Variants in HDAC9 observed in about 807,000 individuals in gnomAD.
HDAC9 encodes the protein histone deacetylase 9, also known as MEF-2 interacting transcription repressor (MITR) protein.
In HDAC9, 41 loss-of-function variants were observed where a neutral mutation model predicts 139.4. That is an observed-to-expected ratio of 0.29 (90% CI 0.23 to 0.38). The LOEUF (loss-of-function observed/expected upper bound fraction) is 0.38. Ranked by LOEUF, HDAC9 falls within the 10% of genes least tolerant of loss-of-function variation. HDAC9 has a pLI of 1.00. For synonymous variants in HDAC9, 517 were observed against 476.2 expected, an observed-to-expected ratio of 1.09 and a Z score of -1.12; for missense variants, 1,147 against 1,297.0, an observed-to-expected ratio of 0.88 and a Z score of 1.78.
At chr7:18,947,985 T>C (rs1782522049) in intron 23 of HDAC9, among the ~76,000 whole-genome samples, 1 of 151,962 alleles carries the variant, frequency 6.6e-6, no homozygotes, top group Non-Finnish European at 1.5e-5. Flanking sequence ...GGAAGAAATA[T>C]ATTTCAATAA....
At chr7:18,436,135 AT>A (rs1791181359) in intron 1 of HDAC9, among the ~76,000 whole-genome samples, 1 of 151,952 alleles carries the variant, frequency 6.6e-6, no homozygotes, top group Non-Finnish European at 1.5e-5. Flanking sequence ...CAATACTAAT[AT>A]TGATGACTCC....
chr7:18,131,530 G>A (rs780044663), intron 1 of HDAC9, among the ~76,000 whole-genome samples: 5 of 152,158 alleles, frequency 3.3e-5, no homozygotes, highest in Admixed American at 2.0e-4. Context: ...TAGACAACTT[G>A]TGGGATGCAG....
At chr7:18,862,789 G>A (rs1563000003) in intron 21 of HDAC9, among the ~76,000 whole-genome samples, 1 of 152,112 alleles carries the variant, frequency 6.6e-6, no homozygotes, top group Non-Finnish European at 1.5e-5. Context: ...AAGATAAGAG[G>A]AAATTCATTT....
chr7:18,578,215 G>A (rs763974956), intron 2 of HDAC9: 5 of 519,012 alleles, frequency 9.6e-6, no homozygotes, highest in South Asian at 7.0e-5. Flanking sequence ...CTTTGGCTGG[G>A]CTTCTTCTGA....
intron 12 of HDAC9, among the ~76,000 whole-genome samples, chr7:18,678,980 CAG>C (rs1299918764): frequency 3.3e-5 from 5 of 151,904 alleles, no homozygotes; most frequent in Admixed American, 6.6e-5. Context: ...GAGCATTTAA[CAG>C]GGGTGGATGA....
intron 2 of HDAC9, among the ~76,000 whole-genome samples, chr7:18,536,399 G>A (rs1810916685): frequency 6.6e-6 from 1 of 152,012 alleles, no homozygotes; most frequent in Non-Finnish European, 1.5e-5. Context: ...ACTTAATTTG[G>A]AAGAGCCCAA....
chr7:18,433,065 C>T (rs1056887756), intron 1 of HDAC9, among the ~76,000 whole-genome samples: 2 of 152,058 alleles, frequency 1.3e-5, no homozygotes, highest in Non-Finnish European at 2.9e-5. Flanking sequence ...TAGGCTTTAT[C>T]CCTGGGATGC....
At chr7:18,251,731 G>A (rs1000584751) in intron 2 of HDAC9, among the ~76,000 whole-genome samples, 1 of 151,976 alleles carries the variant, frequency 6.6e-6, no homozygotes, top group Non-Finnish European at 1.5e-5. Flanking sequence ...CATCAATACT[G>A]TCATTACCTT....
intron 6 of HDAC9, among the ~76,000 whole-genome samples, chr7:18,626,063 A>T (rs1321958413): frequency 6.6e-6 from 1 of 152,024 alleles, no homozygotes; most frequent in East Asian, 1.9e-4. Context: ...ACTACTTAAC[A>T]AGGAAGTTAG....
At chr7:18,341,038 A>G (rs527856871) in intron 1 of HDAC9, among the ~76,000 whole-genome samples, 17 of 151,204 alleles carry the variant, frequency 1.1e-4, no homozygotes, top group African/African-American at 3.4e-4. Flanking sequence ...TGTTGGCTCC[A>G]CTATCTTCTT....
chr7:18,613,614 T>C (rs1392638584), intron 6 of HDAC9, among the ~76,000 whole-genome samples: 2 of 152,194 alleles, frequency 1.3e-5, no homozygotes, highest in African/African-American at 4.8e-5. Flanking sequence ...TTTTTCTTTC[T>C]CCTTTTCTTG....
intron 1 of HDAC9, among the ~76,000 whole-genome samples, chr7:18,345,804 A>AT (rs879456832): frequency 6.6e-5 from 10 of 151,004 alleles, no homozygotes; most frequent in Admixed American, 1.3e-4. Flanking sequence ...TTCATTCAGC[A>AT]TTTTTTTTCC....
At chr7:18,154,985 C>CA (rs1462305074) in intron 1 of HDAC9, among the ~76,000 whole-genome samples, 1 of 152,156 alleles carries the variant, frequency 6.6e-6, no homozygotes, top group African/African-American at 2.4e-5. Flanking sequence ...TTGTCTGTTA[C>CA]AAGTTCCTTC....
intron 17 of HDAC9, among the ~76,000 whole-genome samples, chr7:18,824,084 G>GAAGAAGAAGAAGAAGAAGAAGAAA (rs1554367982): frequency 6.9e-6 from 1 of 144,266 alleles, no homozygotes; most frequent in Non-Finnish European, 1.5e-5. Flanking sequence ...AGAAGAAGAA[G>GAAGAAGAAGAAGAAGAAGAAGAAA]AAGAACAAGA....
intron 6 of HDAC9, among the ~76,000 whole-genome samples, chr7:18,611,730 A>G (rs1272993547): frequency 6.6e-6 from 1 of 152,154 alleles, no homozygotes; most frequent in Non-Finnish European, 1.5e-5. Context: ...TGATAAAAGT[A>G]GTGACTTATA....
chr7:18,793,241 C>T, intron 16 of HDAC9, 104 bp from the exon 17 acceptor site: 1 of 757,376 alleles, frequency 1.3e-6, no homozygotes, highest in Non-Finnish European at 2.3e-6. Flanking sequence ...CTTTCTCTCT[C>T]TGTCCCTCTT....
intron 2 of HDAC9, among the ~76,000 whole-genome samples, chr7:18,529,264 C>G (rs1221693218): frequency 6.6e-6 from 1 of 152,164 alleles, no homozygotes; most frequent in Admixed American, 6.5e-5. Context: ...CTCCTTCCCC[C>G]TTCTTTTCCT....
At chr7:18,154,735 G>T (rs1787046131) in intron 1 of HDAC9, among the ~76,000 whole-genome samples, 1 of 152,186 alleles carries the variant, frequency 6.6e-6, no homozygotes, top group Non-Finnish European at 1.5e-5. Flanking sequence ...AGAAATCACA[G>T]AATTTTAAAA....
chr7:18,953,780 C>T (rs889585116), intron 23 of HDAC9, among the ~76,000 whole-genome samples: 2 of 152,014 alleles, frequency 1.3e-5, no homozygotes, highest in Non-Finnish European at 2.9e-5. Context: ...TTGCAACTTC[C>T]CTGAGGTTTT....
Sources: gnomAD v4.1 joint callset for allele counts (sites outside exome capture counted in the v4.1 genomes callset) on GRCh38, gnomAD v4.1.1 for gene constraint, MANE v1.5 for transcripts, NCBI Gene and HGNC (gene_info 2026-07-23, HGNC 2026-07-21) for gene names.